Variants in PHLPP2 observed in about 807,000 individuals in gnomAD.
PHLPP2 encodes the protein PH domain leucine-rich repeat-containing protein phosphatase 2.
In PHLPP2, 66 loss-of-function variants were observed where a neutral mutation model predicts 124.9. The ratio of observed to expected loss-of-function variants is 0.53; its 90% CI spans 0.43 to 0.65. The LOEUF (loss-of-function observed/expected upper bound fraction) is 0.65. Ranked by LOEUF, PHLPP2 falls within the 30% of genes least tolerant of loss-of-function variation. The pLI, the probability that PHLPP2 is intolerant of heterozygous loss-of-function variation, is 0.00. For missense variants in PHLPP2, 1,685 were observed against 1,600.4 expected (o/e 1.05, Z -0.90); for synonymous variants, 681 against 624.7 (o/e 1.09, Z -1.34).
At chr16:71,705,482 C>T (rs2045266785) in intron 2 of PHLPP2, among the ~76,000 whole-genome samples, 1 of 152,062 alleles carries the variant, frequency 6.6e-6, no homozygotes, top group Non-Finnish European at 1.5e-5. Flanking sequence ...TGGAAACCCT[C>T]CTTACACATG....
chr16:71,720,559 T>A (rs2045392158), intron 1 of PHLPP2, among the ~76,000 whole-genome samples: 1 of 152,150 alleles, frequency 6.6e-6, no homozygotes, highest in Admixed American at 6.6e-5. Context: ...CATATTCAGT[T>A]AGTTCTGCAA....
chr16:71,662,596 A>C, intron 13 of PHLPP2, among the ~76,000 whole-genome samples: 1 of 152,284 alleles, frequency 6.6e-6, no homozygotes, highest in East Asian at 1.9e-4. Flanking sequence ...TAAAAATTAT[A>C]ATTTTATAAT....
intron 3 of PHLPP2, among the ~76,000 whole-genome samples, chr16:71,693,168 T>A (rs1332459152): frequency 6.6e-6 from 1 of 152,120 alleles, no homozygotes; most frequent in Non-Finnish European, 1.5e-5. Context: ...ATGCCTGTAA[T>A]CCCAGCTACT....
At chr16:71,687,044 AT>A (rs1424729487) in intron 4 of PHLPP2, among the ~76,000 whole-genome samples, 2 of 152,242 alleles carry the variant, frequency 1.3e-5, no homozygotes, top group African/African-American at 2.4e-5. Context: ...TCCTACCATG[AT>A]GTATAAATGT....
chr16:71,696,058 C>T (rs573105229), intron 3 of PHLPP2, among the ~76,000 whole-genome samples: 2 of 151,658 alleles, frequency 1.3e-5, no homozygotes, highest in East Asian at 3.9e-4. Context: ...AATATATGAA[C>T]AATAAATAAA....
At chr16:71,652,644 G>A in intron 18 of PHLPP2, 146 bp downstream of exon 18, 1 of 611,494 alleles carries the variant, frequency 1.6e-6, no homozygotes, top group Non-Finnish European at 2.9e-6. Context: ...CAGTACTGTT[G>A]CTGAAACCAT....
chr16:71,723,247 G>A (rs1483263944), intron 1 of PHLPP2: 2 of 152,342 alleles, frequency 1.3e-5, no homozygotes, highest in East Asian at 1.9e-4. Flanking sequence ...GGGCAGAGGA[G>A]CCGGCTCCAC....
chr16:71,649,502 G>T lies in PHLPP2; in HGVS notation c.3360C>A (p.Leu1120=). Residue 1120 remains leucine, a synonymous_variant, in exon 19 of 19, where the codon CTC becomes CTA. Transcript: ENST00000568954. ...LLPRPERRCS[L]HPTPTSGLFQ... Reference sequence around the variant, plus strand: ...ACAGCCCAGAGGTGGGTGTTGGGTGGAGGCTGCAGCGCCGCTCTGGCCTCG... The same window carrying T: ...ACAGCCCAGAGGTGGGTGTTGGGTGTAGGCTGCAGCGCCGCTCTGGCCTCG... 6.2e-7 allele frequency: 1 copy of T among 1,614,164 alleles called. No homozygotes were observed. The highest frequency in any genetic ancestry group is 1.1e-5 in the South Asian group (1 of 91,082).
intron 4 of PHLPP2, among the ~76,000 whole-genome samples, chr16:71,687,794 G>C (rs1207159262): frequency 6.6e-6 from 1 of 152,066 alleles, no homozygotes; most frequent in Non-Finnish European, 1.5e-5. Flanking sequence ...AAAATGTTCA[G>C]CTATTATTTT....
intron 12 of PHLPP2, among the ~76,000 whole-genome samples, chr16:71,665,835 A>C (rs2044834821): frequency 6.6e-6 from 1 of 152,230 alleles, no homozygotes; most frequent in Non-Finnish European, 1.5e-5. Flanking sequence ...ATTAAATGTT[A>C]CATAAAGAAA....
At chr16:71,707,156 C>T (rs1272359331) in intron 2 of PHLPP2, among the ~76,000 whole-genome samples, 4 of 151,434 alleles carry the variant, frequency 2.6e-5, no homozygotes, top group South Asian at 2.1e-4. Context: ...GGGGTTTCAC[C>T]GTGTTAGCCA....
chr16:71,684,407 T>A, intron 5 of PHLPP2, 69 bp downstream of exon 5: 1 of 1,533,858 alleles, frequency 6.5e-7, no homozygotes, highest in Non-Finnish European at 9.0e-7. Context: ...ATTACAGACG[T>A]GAGCCACCAC....
At chr16:71,688,340 CTT>C (rs779184560) in intron 4 of PHLPP2, among the ~76,000 whole-genome samples, 23 of 152,332 alleles carry the variant, frequency 1.5e-4, no homozygotes, top group Admixed American at 9.2e-4. Context: ...TCAATTCTCT[CTT>C]TGTCTGATCT....
rs1004256500 is a variant in PHLPP2 at position 71,670,350 on chromosome 16, G to A, written c.1533-980C>T. On this transcript the variant is annotated intron_variant, in intron 10 of 18. Coordinates refer to ENST00000568954, the MANE Select transcript of PHLPP2 (RefSeq NM_015020.3). ...ATAATCGACCTTTAAAGGGCTAGCT[G>A]AGGAAGAAGGGTATGCAAAAGAAAC... Among the ~76,000 whole-genome samples, 5 of 152,194 alleles carry A rather than the reference G, an allele frequency of 3.3e-5. 1 individual carries two copies. The South Asian group carries it at 1.0e-3, about 32-fold the overall frequency.
intron 3 of PHLPP2, chr16:71,698,545 G>T: frequency 1.5e-6 from 1 of 679,548 alleles, no homozygotes; most frequent in South Asian, 1.4e-5. Flanking sequence ...CAAAGTCAGA[G>T]ACATGAACAT....
intron 16 of PHLPP2, among the ~76,000 whole-genome samples, chr16:71,656,114 C>T (rs1173024278): frequency 1.3e-5 from 2 of 152,116 alleles, no homozygotes; most frequent in Non-Finnish European, 2.9e-5. Flanking sequence ...TGAGAGTGCA[C>T]CCCATGGAAC....
In PHLPP2 at chr16:71,672,305, C is replaced by T. The variant is rs770939605; in HGVS notation, c.1489G>A (p.Val497Ile). ...GTGAGCAGGCTGGGTACTGGATAGA[C>T]GTTCACTGCTGTCAGCCCTAATCCA... ...ASSNRLTAVN[V>I]YPVPSLLTFL... Residue 497 changes from valine to isoleucine, a missense_variant, in exon 10 of 19, where the codon GTC (valine) becomes ATC (isoleucine). Transcript: ENST00000568954. 7 of 1,613,272 alleles carry T rather than the reference C, an allele frequency of 4.3e-6. No homozygotes were observed. The highest frequency in any genetic ancestry group is 3.3e-5 in the South Asian group (3 of 91,046).
intron 9 of PHLPP2, among the ~76,000 whole-genome samples, chr16:71,674,017 A>ACCCT (rs1322569138): frequency 6.6e-6 from 1 of 151,830 alleles, no homozygotes; most frequent in Non-Finnish European, 1.5e-5. Flanking sequence ...AAAATAATGA[A>ACCCT]CCCTCTTTCA....
chr16:71,664,944 G>C (rs961602888), intron 12 of PHLPP2, among the ~76,000 whole-genome samples: 1 of 152,136 alleles, frequency 6.6e-6, no homozygotes, highest in Non-Finnish European at 1.5e-5. Flanking sequence ...AACAGAATTT[G>C]TGGGATCAAA....
Sources: gnomAD v4.1 joint callset for allele counts (sites outside exome capture counted in the v4.1 genomes callset) on GRCh38, gnomAD v4.1.1 for gene constraint, MANE v1.5 for transcripts, NCBI Gene and HGNC (gene_info 2026-07-23, HGNC 2026-07-21) for gene names.